The following ROBO2 variants were observed in gnomAD, a reference collection of about 807,000 sequenced individuals.
ROBO2 encodes the protein roundabout guidance receptor 2, also known as roundabout homolog 2.
Under a neutral mutation model 160.8 loss-of-function variants are expected in ROBO2, and 53 were observed. The observed-to-expected ratio is 0.33, with a 90% CI of 0.26 to 0.41. ROBO2 has a LOEUF of 0.41. Among genes scored for constraint, ROBO2 ranks in the 10% least tolerant of loss-of-function variants. ROBO2 has a pLI of 1.00. For missense variants in ROBO2, 1,577 were observed against 1,722.4 expected (o/e 0.92, Z 1.49); for synonymous variants, 664 against 611.7 (o/e 1.09, Z -1.26).
chr3:77,178,971 T>G (rs1428282001), intron 2 of ROBO2, among the ~76,000 whole-genome samples: 1 of 152,054 alleles, frequency 6.6e-6, no homozygotes, highest in Non-Finnish European at 1.5e-5. Context: ...CTGCTAATGG[T>G]TCCAGGAGGT....
chr3:77,208,895 T>A (rs1195788071), intron 2 of ROBO2, among the ~76,000 whole-genome samples: 1 of 152,186 alleles, frequency 6.6e-6, no homozygotes, highest in African/African-American at 2.4e-5. Context: ...TACTTGGACT[T>A]CATTTTATCT....
intron 2 of ROBO2, among the ~76,000 whole-genome samples, chr3:76,366,750 G>A (rs375831946): frequency 6.6e-5 from 10 of 151,852 alleles, no homozygotes; most frequent in Non-Finnish European, 1.3e-4. Flanking sequence ...ATTATTCTAT[G>A]TATGATCACT....
At chr3:76,125,673 T>G (rs2070946598) in intron 2 of ROBO2, among the ~76,000 whole-genome samples, 1 of 152,044 alleles carries the variant, frequency 6.6e-6, no homozygotes, top group African/African-American at 2.4e-5. Context: ...CACAGAAACA[T>G]TTTAAAGTTA....
chr3:77,550,791 T>C, intron 7 of ROBO2, 27 bp from the exon 9 acceptor site: 1 of 1,611,854 alleles, frequency 6.2e-7, no homozygotes, highest in Non-Finnish European at 8.5e-7. Flanking sequence ...AAAATGAATA[T>C]TGATGAGATT....
chr3:75,937,449 G>C, intron 1 of ROBO2: 1 of 1,217,498 alleles, frequency 8.2e-7, no homozygotes, highest in Non-Finnish European at 1.1e-6. Context: ...GTAATTTATT[G>C]TACTTTCACA....
intron 2 of ROBO2, among the ~76,000 whole-genome samples, chr3:76,570,153 T>C (rs1030017506): frequency 1.3e-5 from 2 of 151,936 alleles, no homozygotes; most frequent in Admixed American, 1.3e-4. Flanking sequence ...AAAATAAAGA[T>C]TCTAATAAGC....
chr3:76,533,250 T>G (rs931696418), intron 2 of ROBO2, among the ~76,000 whole-genome samples: 1 of 152,250 alleles, frequency 6.6e-6, no homozygotes, highest in Non-Finnish European at 1.5e-5. Flanking sequence ...ACACAACGCC[T>G]GTCAGGCATT....
At chr3:77,026,869 G>A (rs372828195) in intron 2 of ROBO2, among the ~76,000 whole-genome samples, 6 of 152,084 alleles carry the variant, frequency 3.9e-5, no homozygotes, top group South Asian at 2.1e-4. Context: ...GTAACTTCTC[G>A]TACCTAGAAG....
At chr3:76,097,392 T>C (rs903740465) in intron 2 of ROBO2, among the ~76,000 whole-genome samples, 6 of 152,280 alleles carry the variant, frequency 3.9e-5, no homozygotes, top group Non-Finnish European at 7.4e-5. Flanking sequence ...AGAAGAGCTA[T>C]TGATGCTTCC....
chr3:75,993,227 A>T (rs2065624725), intron 2 of ROBO2, among the ~76,000 whole-genome samples: 1 of 152,030 alleles, frequency 6.6e-6, no homozygotes, highest in Non-Finnish European at 1.5e-5. Flanking sequence ...ATCTCATCTG[A>T]AGTTGGAACT....
intron 2 of ROBO2, among the ~76,000 whole-genome samples, chr3:76,780,503 G>T (rs112099276): frequency 6.6e-6 from 1 of 150,550 alleles, no homozygotes; most frequent in South Asian, 2.1e-4. Flanking sequence ...AATAAAAATC[G>T]TTGCCAAGAC....
intron 2 of ROBO2, among the ~76,000 whole-genome samples, chr3:76,107,867 C>T (rs1188106437): frequency 6.6e-6 from 1 of 151,970 alleles, no homozygotes; most frequent in Non-Finnish European, 1.5e-5. Context: ...TCATATTATA[C>T]CAACTCTAAA....
chr3:76,364,086 C>A (rs926373660), intron 2 of ROBO2, among the ~76,000 whole-genome samples: 4 of 152,054 alleles, frequency 2.6e-5, no homozygotes, highest in Non-Finnish European at 4.4e-5. Flanking sequence ...CCACTGCCTC[C>A]GTCACATTAT....
chr3:76,099,308 A>G (rs2069584703), intron 2 of ROBO2, among the ~76,000 whole-genome samples: 1 of 152,058 alleles, frequency 6.6e-6, no homozygotes, highest in Non-Finnish European at 1.5e-5. Context: ...TAAGGATAAT[A>G]TATTTAGTCC....
chr3:77,218,713 CAT>C (rs755167149), intron 2 of ROBO2, among the ~76,000 whole-genome samples: 4 of 152,120 alleles, frequency 2.6e-5, no homozygotes, highest in Admixed American at 6.5e-5. Flanking sequence ...ATTAGGTTAT[CAT>C]GTCACCCTCT....
intron 2 of ROBO2, among the ~76,000 whole-genome samples, chr3:76,530,705 C>T (rs2082176879): frequency 6.6e-6 from 1 of 152,124 alleles, no homozygotes; most frequent in South Asian, 2.1e-4. Flanking sequence ...AACTCTGCCT[C>T]CAGTGAAATG....
chr3:76,261,992 T>G (rs1451440940), intron 2 of ROBO2, among the ~76,000 whole-genome samples: 1 of 152,124 alleles, frequency 6.6e-6, no homozygotes, highest in African/African-American at 2.4e-5. Flanking sequence ...TTAGAAATTA[T>G]TTTTATTTAA....
intron 2 of ROBO2, among the ~76,000 whole-genome samples, chr3:76,951,011 A>T (rs2078923142): frequency 6.6e-6 from 1 of 152,188 alleles, no homozygotes; most frequent in Non-Finnish European, 1.5e-5. Context: ...TACAGGCGTG[A>T]GCCCCTGCAC....
chr3:77,254,266 A>G (rs189084437), intron 2 of ROBO2, among the ~76,000 whole-genome samples: 6 of 152,328 alleles, frequency 3.9e-5, no homozygotes, highest in African/African-American at 1.2e-4. Flanking sequence ...TATCTCAAAA[A>G]GAAAGAAAAA....
Sources: allele counts gnomAD v4.1 joint callset (sites outside exome capture counted in the v4.1 genomes callset), GRCh38; gene constraint gnomAD v4.1.1; transcripts MANE v1.5; gene names NCBI Gene and HGNC (gene_info 2026-07-23, HGNC 2026-07-21).